SNUPN: variants seen among roughly 807,000 people sequenced by gnomAD.
The protein encoded by SNUPN is snurportin-1.
SNUPN carries 31 observed loss-of-function variants against 39.2 expected under a neutral mutation model. The ratio of observed to expected loss-of-function variants is 0.79; its 90% confidence interval spans 0.59 to 1.07. The LOEUF is 1.07. Among genes scored for constraint, SNUPN ranks in the 50% least tolerant of loss-of-function variants. The pLI is 0.00. For synonymous variants in SNUPN, 132 were observed against 159.0 expected (o/e 0.83, Z 1.28); for missense variants, 382 against 434.2 (o/e 0.88, Z 1.07).
At chr15:75,612,293 A>G (rs1892803777) in intron 3 of SNUPN, among the ~76,000 whole-genome samples, 1 of 151,988 alleles carries the variant, frequency 6.6e-6, no homozygotes, top group Admixed American at 6.6e-5. Context: ...TCGGCCTCCC[A>G]AAGTGCTGGG....
chr15:75,611,353 C>T lies in SNUPN; in HGVS notation c.304-1359G>A, dbSNP rs535676404. Among the ~76,000 whole-genome samples the T allele has an allele frequency of 5.9e-4, 88 of 150,330 alleles. 2 individuals are homozygous for T. The East Asian group carries it at 0.014, about 25-fold the overall frequency. On this transcript the variant is annotated intron_variant, in intron 3 of 8. Transcript: ENST00000308588. ...CTGCAAGCTGCGCCTCCCGGGTTCA[C>T]GCCATTCTCCTGCCTCAGCCTCCCG...
At chr15:75,599,957 T>C (rs1238293472) in intron 8 of SNUPN, among the ~76,000 whole-genome samples, 4 of 151,944 alleles carry the variant, frequency 2.6e-5, no homozygotes, top group Non-Finnish European at 5.9e-5. Context: ...GAGATTCTCC[T>C]GCCTCAACTT....
In SNUPN at chr15:75,598,415, G is replaced by A; in HGVS notation, c.1026C>T (p.Pro342=). The change falls in exon 9 of 9, where the codon CCC becomes CCT. Residue 342 remains proline (P), a synonymous_variant. Coordinates refer to ENST00000308588, the MANE Select transcript of SNUPN (RefSeq NM_005701.4). ...GHYELEHLST[P]KLKGSSHSPD... ...GGCTATGGGAAGAACCCTTCAACTT[G>A]GGAGTAGACAGGTGCTCCAATTCAT... 6.2e-7 allele frequency: 1 copy of A among 1,614,224 alleles called. No individual in the cohort carries two copies. Among genetic ancestry groups the A allele is most frequent in the South Asian group, 1.1e-5 (1 of 91,088 alleles).
Position 75,607,314 on chromosome 15 carries a change from C to A in SNUPN, c.503-1G>T. 6.2e-7 allele frequency: 1 copy of A among 1,602,308 alleles called. No individual in the cohort carries two copies. The highest frequency in any genetic ancestry group is 1.1e-5 in the South Asian group (1 of 90,826). ...TAAATGCAATCTAGAATGGTGTAGT[C>A]TGAGGACACAAAGCAGAAAGTCAGC... On this transcript the variant is annotated splice_acceptor_variant, in intron 5 of 8. Transcript: ENST00000308588. LOFTEE classifies it high-confidence loss of function.
intron 1 of SNUPN, among the ~76,000 whole-genome samples, chr15:75,621,624 C>A (rs1436591904): frequency 6.6e-6 from 1 of 152,146 alleles, no homozygotes; most frequent in Non-Finnish European, 1.5e-5. Context: ...ATATAACTCT[C>A]CATGCAGTTT....
At chr15:75,608,669 C>G (rs186754831) in intron 5 of SNUPN, among the ~76,000 whole-genome samples, 347 of 152,330 alleles carry the variant, frequency 2.3e-3, no homozygotes, top group African/African-American at 8.0e-3. Flanking sequence ...CGTTTCCCCC[C>G]AAATCTGTAT....
chr15:75,613,807 T>C (rs760843759), intron 3 of SNUPN, among the ~76,000 whole-genome samples: 27 of 152,180 alleles, frequency 1.8e-4, no homozygotes, highest in Non-Finnish European at 2.5e-4. Context: ...TGTGGAGAAA[T>C]TGGAACACTT....
chr15:75,626,124 T>A (rs1476116502), upstream of SNUPN: 1 of 152,302 alleles, frequency 6.6e-6, no homozygotes, highest in Non-Finnish European at 1.5e-5. Flanking sequence ...CTTGGGCCCG[T>A]GCTCTTAAAC....
intron 8 of SNUPN, chr15:75,600,912 C>A (rs1043409556): frequency 4.5e-6 from 2 of 444,944 alleles, no homozygotes; most frequent in South Asian, 2.4e-5. Context: ...GGGAGTTGGA[C>A]GAGCTGTCCA....
intron 3 of SNUPN, among the ~76,000 whole-genome samples, chr15:75,612,284 C>T (rs559824725): frequency 4.9e-4 from 75 of 152,204 alleles, no homozygotes; most frequent in African/African-American, 1.5e-3. Flanking sequence ...CCACCCACCT[C>T]GGCCTCCCAA....
intron 1 of SNUPN, chr15:75,622,534 C>A (rs1016545582): frequency 2.0e-5 from 19 of 959,954 alleles, no homozygotes; most frequent in Non-Finnish European, 2.4e-5. Context: ...ACACTTCATT[C>A]AAGCGCCTGT....
intron 1 of SNUPN, 57 bp from the exon 2 acceptor site, chr15:75,621,113 A>T: frequency 7.8e-6 from 12 of 1,546,552 alleles, no homozygotes; most frequent in Non-Finnish European, 1.1e-5. Flanking sequence ...TCCTGTATAC[A>T]GACAGTTATG....
chr15:75,621,729 G>T (rs1474463777), intron 1 of SNUPN, among the ~76,000 whole-genome samples: 1 of 152,118 alleles, frequency 6.6e-6, no homozygotes, highest in Non-Finnish European at 1.5e-5. Context: ...CCTGGAGGAA[G>T]ACAAAAGCAA....
chr15:75,601,817 C>A (rs1006070488), intron 7 of SNUPN, among the ~76,000 whole-genome samples: 1 of 152,126 alleles, frequency 6.6e-6, no homozygotes, highest in African/African-American at 2.4e-5. Context: ...CAGTCTCATC[C>A]TTCTCTACTA....
intron 2 of SNUPN, 33 bp downstream of exon 2, chr15:75,620,861 G>A (rs1280419624): frequency 6.3e-7 from 1 of 1,599,558 alleles, no homozygotes; most frequent in Admixed American, 1.7e-5. Context: ...TCCTAGCCCA[G>A]AGAAAGAAGA....
chr15:75,609,243 G>C (rs1892713488), intron 5 of SNUPN, among the ~76,000 whole-genome samples: 2 of 126,778 alleles, frequency 1.6e-5, no homozygotes. Flanking sequence ...ACTGCGGACT[G>C]CAGTGGTGCA....
intron 1 of SNUPN, among the ~76,000 whole-genome samples, chr15:75,623,823 G>C (rs1330923895): frequency 2.0e-5 from 3 of 152,148 alleles, no homozygotes; most frequent in Admixed American, 1.3e-4. Flanking sequence ...ATGAGTGCTT[G>C]GGATCCATAT....
chr15:75,613,481 A>G lies in SNUPN; in HGVS notation c.304-3487T>C, dbSNP rs143914452. Among the ~76,000 whole-genome samples, 259 of 151,116 alleles carry G rather than the reference A, an allele frequency of 1.7e-3. 2 individuals are homozygous for G. In the East Asian group the frequency reaches 0.026, roughly 15 times the overall value. On this transcript the variant is annotated intron_variant, in intron 3 of 8. Coordinates refer to ENST00000308588, the MANE Select transcript of SNUPN (RefSeq NM_005701.4). ...AATACGCTGAAACCCCGTCTCTACT[A>G]AAAATACAAAAATTAGCCGGAAGTG...
intron 8 of SNUPN, among the ~76,000 whole-genome samples, chr15:75,599,439 G>A (rs912664971): frequency 1.3e-5 from 2 of 152,218 alleles, no homozygotes; most frequent in Non-Finnish European, 2.9e-5. Flanking sequence ...TGCATGGAAT[G>A]AAAAGCAGAG....
Sources: gnomAD v4.1 joint callset for allele counts (sites outside exome capture counted in the v4.1 genomes callset) on GRCh38, gnomAD v4.1.1 for gene constraint, MANE v1.5 for transcripts, NCBI Gene and HGNC (gene_info 2026-07-23, HGNC 2026-07-21) for gene names.